The following ANKHD1 variants were observed in gnomAD, a reference collection of about 807,000 sequenced individuals.
ANKHD1 encodes ankyrin repeat and KH domain containing 1, also known as ankyrin repeat and KH domain-containing protein 1.
ANKHD1 carries 31 observed loss-of-function variants against 230.5 expected under a neutral mutation model. The ratio of observed to expected loss-of-function variants is 0.13; its 90% CI spans 0.10 to 0.18. The LOEUF (loss-of-function observed/expected upper bound fraction) is 0.18, where lower values mean the gene tolerates loss of function less well. ANKHD1 is among the 10% of genes least tolerant of loss of function. ANKHD1 has a pLI of 1.00. For synonymous variants in ANKHD1, 1,074 were observed against 1,117.6 expected (o/e 0.96, Z 0.78); for missense variants, 2,256 against 3,071.3 (o/e 0.73, Z 6.27).
intron 29 of ANKHD1, among the ~76,000 whole-genome samples, chr5:140,530,060 AT>A (rs1753745544): frequency 1.3e-5 from 2 of 152,122 alleles, no homozygotes; most frequent in Admixed American, 1.3e-4. Flanking sequence ...TAAAAAAAAA[AT>A]CATAGTGATT....
chr5:140,528,809 CCTT>C lies in ANKHD1; in HGVS notation c.5865_5867del (p.Ser1957del), dbSNP rs1319265759. On this transcript the variant is annotated inframe_deletion, in exon 29 of 34. Transcript: ENST00000360839. ...ACTGTGTGTCACTAATACCCGGACTCCTTCATCAGTCAGAAAGCAGTTGTTTGC... is the reference window on the plus strand; with the variant it reads ...ACTGTGTGTCACTAATACCCGGACTCCATCAGTCAGAAAGCAGTTGTTTGC... 2 of 1,614,060 alleles carry C rather than the reference CCTT, an allele frequency of 1.2e-6. No individual in the cohort carries two copies. Among genetic ancestry groups the C allele is most frequent in the East Asian group, 2.2e-5 (1 of 44,882 alleles).
intron 15 of ANKHD1, among the ~76,000 whole-genome samples, 196 bp downstream of exon 15, chr5:140,497,474 CT>C (rs1752084125): frequency 2.0e-5 from 3 of 152,194 alleles, no homozygotes; most frequent in African/African-American, 7.2e-5. Flanking sequence ...TTCCCCTCTT[CT>C]TTTTTGTCAT....
At chr5:140,512,191 G>A (rs1219629051) in intron 22 of ANKHD1, among the ~76,000 whole-genome samples, 4 of 150,868 alleles carry the variant, frequency 2.7e-5, no homozygotes, top group Non-Finnish European at 4.4e-5. Flanking sequence ...AGACAAGAGC[G>A]TGCCGTGGCA....
chr5:140,457,405 A>G lies in ANKHD1; in HGVS notation c.1243-1220A>G, dbSNP rs532139075. On this transcript the variant is annotated intron_variant, in intron 7 of 33. Coordinates refer to ENST00000360839, the MANE Select transcript of ANKHD1 (RefSeq NM_017747.3). ...TGCTGCTATAAAGACAGATGCACAC[A>G]TATGTTTATTGCGGCACTATTCACA... 4.2e-3 allele frequency among the ~76,000 whole-genome samples: 641 copies of G among 152,294 alleles called. 3 individuals carry two copies. The highest frequency in any genetic ancestry group is 0.015 in the African/African-American group (608 of 41,548).
chr5:140,514,683 A>G (rs1752913921), intron 24 of ANKHD1, among the ~76,000 whole-genome samples: 1 of 152,090 alleles, frequency 6.6e-6, no homozygotes, highest in Non-Finnish European at 1.5e-5. Context: ...CAAGATCCCA[A>G]TTTACGGCTG....
In ANKHD1 at chr5:140,528,940, A is replaced by G. The variant is rs1023511164; in HGVS notation, c.5994A>G (p.Gln1998=). Residue 1998 remains glutamine, a synonymous_variant, in exon 29 of 34, where the codon CAA becomes CAG. Coordinates refer to ENST00000360839, the MANE Select transcript of ANKHD1 (RefSeq NM_017747.3). The part of the protein sequence containing the change: ...SVSSAPITSG[Q]APTTFLPAST... ...CCTCTGCACCTATCACTAGCGGGCA[A>G]GCTCCCACCACATTTCTACCTGCAA... 1 of 1,614,178 alleles carries G rather than the reference A, an allele frequency of 6.2e-7. No homozygotes were observed. The highest frequency in any genetic ancestry group is 1.3e-5 in the African/African-American group (1 of 75,046).
Position 140,485,814 on chromosome 5 carries a change from A to C in ANKHD1, c.2142+82A>C. On this transcript the variant is annotated intron_variant, in intron 13 of 33. Coordinates refer to ENST00000360839, the MANE Select transcript of ANKHD1 (RefSeq NM_017747.3). The surrounding 1 kb of genome is among the most constrained non-coding windows in gnomAD (Gnocchi z 4.8). ...TTTTTGTTTAAAATCAGTTTTAAGCAAAATGGACTTGTTTTTATTCTCTGT... is the reference window on the plus strand; with the variant it reads ...TTTTTGTTTAAAATCAGTTTTAAGCCAAATGGACTTGTTTTTATTCTCTGT... 6.4e-7 allele frequency: 1 copy of C among 1,557,082 alleles called. No individual in the cohort carries two copies. Among genetic ancestry groups the C allele is most frequent in the Non-Finnish European group, 8.7e-7 (1 of 1,153,904 alleles).
At chr5:140,471,767 G>T (rs1270522303) in intron 10 of ANKHD1, among the ~76,000 whole-genome samples, 2 of 152,124 alleles carry the variant, frequency 1.3e-5, no homozygotes, top group African/African-American at 4.8e-5. Flanking sequence ...CAAGTTCTTT[G>T]AAGGTTCTTG....
At chr5:140,405,447 T>C (rs922712350) in intron 1 of ANKHD1, among the ~76,000 whole-genome samples, 3 of 152,118 alleles carry the variant, frequency 2.0e-5, no homozygotes, top group Admixed American at 6.5e-5. Flanking sequence ...ATGACCTGTT[T>C]TGGCCAAGCA....
chr5:140,432,108 A>C (rs761420949), intron 1 of ANKHD1, among the ~76,000 whole-genome samples: 12 of 152,232 alleles, frequency 7.9e-5, no homozygotes, highest in Non-Finnish European at 1.3e-4. Context: ...TTCGTATGCC[A>C]TAAGATATAG....
intron 6 of ANKHD1, 31 bp downstream of exon 6, chr5:140,446,006 G>A (rs890786039): frequency 2.0e-6 from 3 of 1,520,382 alleles, no homozygotes; most frequent in Non-Finnish European, 2.7e-6. Context: ...TATTTATAAT[G>A]TTTTTCGTAA....
chr5:140,523,213 T>G (rs978026614), intron 24 of ANKHD1, among the ~76,000 whole-genome samples: 6 of 149,146 alleles, frequency 4.0e-5, no homozygotes, highest in African/African-American at 1.5e-4. Context: ...CCTGGGCACA[T>G]GCAATCCTCC....
intron 7 of ANKHD1, among the ~76,000 whole-genome samples, chr5:140,454,225 C>T (rs1324122736): frequency 6.6e-6 from 1 of 152,068 alleles, no homozygotes; most frequent in Admixed American, 6.6e-5. Context: ...TCCTTAGAGA[C>T]CTACAAAGAG....
chr5:140,519,127 T>G (rs1207484758), intron 24 of ANKHD1, among the ~76,000 whole-genome samples: 3 of 152,118 alleles, frequency 2.0e-5, no homozygotes, highest in South Asian at 4.1e-4. Context: ...TCACAAGCAT[T>G]CTTATACACC....
chr5:140,412,183 C>T (rs1021509638), intron 1 of ANKHD1, among the ~76,000 whole-genome samples: 14 of 151,984 alleles, frequency 9.2e-5, no homozygotes, highest in Non-Finnish European at 1.5e-4. Context: ...ATTACAGGTG[C>T]GTGCCACCAT....
chr5:140,405,116 G>A (rs1410517348), intron 1 of ANKHD1, among the ~76,000 whole-genome samples: 1 of 151,988 alleles, frequency 6.6e-6, no homozygotes, highest in African/African-American at 2.4e-5. Flanking sequence ...TCATGTGTTG[G>A]TGATTCCTAC....
At chr5:140,451,408 A>G (rs920434576) in intron 7 of ANKHD1, among the ~76,000 whole-genome samples, 25 of 152,220 alleles carry the variant, frequency 1.6e-4, no homozygotes, top group Non-Finnish European at 3.5e-4. Flanking sequence ...ATGTGAAGTC[A>G]TCTGTTTTTG....
At chr5:140,515,202 C>T (rs1406913364) in intron 24 of ANKHD1, among the ~76,000 whole-genome samples, 1 of 150,872 alleles carries the variant, frequency 6.6e-6, no homozygotes, top group South Asian at 2.1e-4. Context: ...TGTTTGAACC[C>T]GGGAGGCAGA....
chr5:140,452,586 C>T (rs912218509), intron 7 of ANKHD1, among the ~76,000 whole-genome samples: 16 of 152,148 alleles, frequency 1.1e-4, no homozygotes, highest in South Asian at 4.1e-4. Flanking sequence ...CTGCTGCCTC[C>T]GCTGCTGATA....
Sources: allele counts gnomAD v4.1 joint callset (sites outside exome capture counted in the v4.1 genomes callset), GRCh38; gene constraint gnomAD v4.1.1; non-coding constraint Gnocchi (gnomAD v3.1); transcripts MANE v1.5; gene names NCBI Gene and HGNC (gene_info 2026-07-23, HGNC 2026-07-21).